Variants in SPTBN5 observed in about 807,000 individuals in gnomAD.
The protein encoded by SPTBN5 is spectrin beta chain, non-erythrocytic 5.
A neutral mutation model predicts 477.6 loss-of-function variants in SPTBN5; 513 were observed. That is an observed-to-expected ratio of 1.07 (90% CI 1.00 to 1.16). SPTBN5 has a LOEUF of 1.16. SPTBN5 is among the 50% of genes most tolerant of loss of function. The probability of loss-of-function intolerance (pLI) is 0.00; values close to 1 mark genes in which losing one functional copy is unlikely to be tolerated. For missense variants in SPTBN5, 5,062 were observed against 4,731.8 expected, an observed-to-expected ratio of 1.07 and a Z score of -2.05; for synonymous variants, 2,169 against 2,011.7, an observed-to-expected ratio of 1.08 and a Z score of -2.09.
intron 38 of SPTBN5, 28 bp downstream of exon 38, chr15:41,866,010 C>G (rs1243266049): frequency 6.5e-6 from 10 of 1,549,234 alleles, no homozygotes; most frequent in Non-Finnish European, 7.0e-6. Flanking sequence ...CCCCCCATCT[C>G]TCAGCCCCCA....
chr15:41,884,621 G>A (rs1423501738), intron 7 of SPTBN5, among the ~76,000 whole-genome samples: 1 of 152,124 alleles, frequency 6.6e-6, no homozygotes. Flanking sequence ...ACATCCAGGT[G>A]AGCATCGCAA....
rs777376157 is a variant in SPTBN5 at position 41,866,159 on chromosome 15, C to T, written c.6701G>A (p.Arg2234Gln). 1.9e-5 allele frequency: 30 copies of T among 1,565,234 alleles called. No individual in the cohort carries two copies. The Middle Eastern group carries it at 5.0e-4, about 26-fold the overall frequency. Reference protein sequence around the residue: ...GEVSQRLQGLRKHWEDLRQAM... With the variant: ...GEVSQRLQGLQKHWEDLRQAM... ...CTGCCTCAGGTCCTCCCAGTGCTTC[C>T]GCAGGCCCTGCAGCCGCTGGGAGAC... Residue 2234 changes from arginine (R) to glutamine (Q), a missense_variant, in exon 38 of 68, where the codon CGG becomes CAG. Coordinates refer to ENST00000320955, the MANE Select transcript of SPTBN5 (RefSeq NM_016642.4).
chr15:41,861,483 G>A lies in SPTBN5; in HGVS notation c.7751C>T (p.Ser2584Leu), dbSNP rs1470681585. 1.9e-6 allele frequency: 3 copies of A among 1,613,398 alleles called. No homozygotes were observed. The highest frequency in any genetic ancestry group is 2.5e-6 in the Non-Finnish European group (3 of 1,179,884). The change falls in exon 46 of 68, where the codon TCA (serine) becomes TTA (leucine). Residue 2584 changes from serine (S) to leucine (L), a missense_variant. Physicochemically the swap from Ser to Leu is moderately radical, Grantham distance 145. Transcript: ENST00000320955. The part of the protein sequence containing the change: ...QALELQLFLS[S>L]VEKMERWLCS... ...AAGCCAACGTTCCATCTTCTCCACT[G>A]AGCTCAGAAACAGCTGAGAACAAAG... is the stretch of plus-strand genomic sequence containing the variant.
chr15:41,853,530 A>G, intron 58 of SPTBN5, 52 bp downstream of exon 58: 1 of 1,539,148 alleles, frequency 6.5e-7, no homozygotes, highest in Non-Finnish European at 8.8e-7. Context: ...GAGCCAGGAT[A>G]CCCCCACCCC....
At chr15:41,872,855 A>G (rs2066593996) in intron 26 of SPTBN5, among the ~76,000 whole-genome samples, 1 of 152,188 alleles carries the variant, frequency 6.6e-6, no homozygotes, top group Non-Finnish European at 1.5e-5. Context: ...CCAAGGCTAC[A>G]GGCCTTTAGA....
In SPTBN5 at chr15:41,883,334, G is replaced by A. The variant is rs2067039853; in HGVS notation, c.1659+14C>T. The A allele has an allele frequency of 5.0e-6, 8 of 1,612,068 alleles. No individual in the cohort carries two copies. The highest frequency in any genetic ancestry group is 6.8e-6 in the Non-Finnish European group (8 of 1,179,416). ...TTGCTGTGTTTCCCAAGGGCCTGCT[G>A]GTCCAGTGCCCACCTGCAGCTCCTC... On this transcript the variant is annotated intron_variant, in intron 8 of 67. Transcript: ENST00000320955.
intron 46 of SPTBN5, 33 bp downstream of exon 46, chr15:41,861,386 C>G: frequency 1.3e-6 from 2 of 1,575,696 alleles, no homozygotes; most frequent in Non-Finnish European, 1.7e-6. Flanking sequence ...TCTGGTAATT[C>G]CCCCCTCCTG....
intron 29 of SPTBN5, 91 bp downstream of exon 29, chr15:41,871,284 A>G (rs2066524562): frequency 7.7e-7 from 1 of 1,304,112 alleles, no homozygotes; most frequent in African/African-American, 1.5e-5. Flanking sequence ...TGTGGCCCTC[A>G]CAGCATGCCA....
chr15:41,880,962 C>T (rs2066929974), intron 13 of SPTBN5, 72 bp downstream of exon 13: 1 of 1,352,922 alleles, frequency 7.4e-7, no homozygotes, highest in Non-Finnish European at 1.0e-6. Flanking sequence ...CTGCCTTGTC[C>T]CCTGGGATCA....
chr15:41,866,641 G>C (rs1004964377), intron 36 of SPTBN5, 148 bp from the exon 37 acceptor site: 13 of 1,015,600 alleles, frequency 1.3e-5, no homozygotes, highest in Non-Finnish European at 1.8e-5. Flanking sequence ...TTCCAGCTCC[G>C]GAAGGTTGCT....
At position 41,882,164 on chromosome 15, in the gene SPTBN5, G is replaced by A. The variant is rs534351799; in HGVS notation, c.2248-19C>T. ...CGAAGTACTGTGGGAGGGGGTCGGGGGTGGTGTGGGTGAAGGGGCGCGGCT... is the reference window on the plus strand; with the variant it reads ...CGAAGTACTGTGGGAGGGGGTCGGGAGTGGTGTGGGTGAAGGGGCGCGGCT... On this transcript the variant is annotated intron_variant, in intron 11 of 67. Coordinates refer to ENST00000320955, the MANE Select transcript of SPTBN5 (RefSeq NM_016642.4). 2.2e-4 allele frequency: 349 copies of A among 1,551,268 alleles called. 3 individuals carry two copies. In the Middle Eastern group the frequency reaches 3.5e-3, roughly 15 times the overall value.
chr15:41,853,981 G>C (rs143114783), intron 57 of SPTBN5, 69 bp downstream of exon 57: 1 of 1,499,750 alleles, frequency 6.7e-7, no homozygotes, highest in African/African-American at 1.4e-5. Flanking sequence ...GGAGGGCTGA[G>C]ATAGGTCCCC....
chr15:41,866,608 A>ACC, intron 36 of SPTBN5, 115 bp from the exon 37 acceptor site: 1 of 1,235,274 alleles, frequency 8.1e-7, no homozygotes, highest in Non-Finnish European at 1.1e-6. Context: ...GGCGGGCAGC[A>ACC]CCTGGTAAAT....
chr15:41,860,759 C>T lies in SPTBN5; in HGVS notation c.7816-1G>A. The stretch of plus-strand genomic sequence containing the variant: ...GGGGCTCCATGGGGGCCAAGGGGTC[C>T]TGGTGGGAGTGGGGAACCCAATACT... On this transcript the variant is annotated splice_acceptor_variant, in intron 46 of 67. Transcript: ENST00000320955. LOFTEE classifies it high-confidence loss of function. The T allele has an allele frequency of 6.3e-7, 1 of 1,576,778 alleles. No homozygotes were observed. Among genetic ancestry groups the T allele is most frequent in the Admixed American group, 1.8e-5 (1 of 55,036 alleles).
At position 41,876,193 on chromosome 15, in the gene SPTBN5, A is replaced by C; in HGVS notation, c.4043T>G (p.Ile1348Ser). 1 of 1,606,326 alleles carries C rather than the reference A, an allele frequency of 6.2e-7. No homozygotes were observed. Among genetic ancestry groups the C allele is most frequent in the Non-Finnish European group, 8.5e-7 (1 of 1,179,660 alleles). Residue 1348 changes from isoleucine (I) to serine (S), a missense_variant, in exon 21 of 68, where the codon ATC (isoleucine) becomes AGC (serine). Ile to Ser is a moderately radical substitution (Grantham distance 142, BLOSUM62 -2). Transcript: ENST00000320955. ...AHEPSGARRN[I>S]LQTLKRHEAA... ...TTCGTGCCGCTTGAGTGTCTGCAGG[A>C]TGTTTCTGCGCGCTCCGGAGGGCTC...
rs917300881 is a variant in SPTBN5, at chr15:41,881,329, G to A, written c.2458-95C>T. On this transcript the variant is annotated intron_variant, in intron 12 of 67. Coordinates refer to ENST00000320955, the MANE Select transcript of SPTBN5 (RefSeq NM_016642.4). ...CTACCTCCGTGCCCTGAGACCTGGAGGCGCTGAGCTGTAGCTCAAAGGGTG... is the reference window on the plus strand; with the variant it reads ...CTACCTCCGTGCCCTGAGACCTGGAAGCGCTGAGCTGTAGCTCAAAGGGTG... 16 of 1,016,466 alleles carry A rather than the reference G, an allele frequency of 1.6e-5. 1 individual carries two copies. The South Asian group carries it at 2.6e-4, about 17-fold the overall frequency. The allele number at this position is 1,016,466 out of a possible 1,614,324, so 63.0% of individuals were successfully genotyped here.
chr15:41,851,118 C>T lies in SPTBN5; in HGVS notation c.10776G>A (p.Thr3592=), dbSNP rs372260288. The change falls in exon 65 of 68, where the codon ACG becomes ACA. Residue 3592 remains threonine (T), a synonymous_variant. Transcript: ENST00000320955. ...KVASIALLDL[T]GARCERLRGR... is the part of the protein sequence containing the mutation. Reference sequence around the variant, plus strand: ...CCCGCAGCCTCTCACACCGGGCTCCCGTGAGGTCAAGGAGGGCTATGGAAG... The same window carrying T: ...CCCGCAGCCTCTCACACCGGGCTCCTGTGAGGTCAAGGAGGGCTATGGAAG... 1.3e-5 allele frequency: 21 copies of T among 1,613,118 alleles called. No homozygotes were observed. Among genetic ancestry groups the T allele is most frequent in the African/African-American group, 6.7e-5 (5 of 74,938 alleles).
Position 41,848,175 on chromosome 15 carries a change from C to T in SPTBN5, c.*441G>A, listed in dbSNP as rs2065618849. Reference sequence around the variant, plus strand: ...GCGCTGAGACCATCTGTTATTACTGCTGAGAAGGGCCATGTCATTCTAGGC... The same window carrying T: ...GCGCTGAGACCATCTGTTATTACTGTTGAGAAGGGCCATGTCATTCTAGGC... On this transcript the variant is annotated 3_prime_UTR_variant, in exon 68 of 68. Coordinates refer to ENST00000320955, the MANE Select transcript of SPTBN5 (RefSeq NM_016642.4). 1.9e-6 allele frequency: 1 copy of T among 524,564 alleles called. No homozygotes were observed. The highest frequency in any genetic ancestry group is 3.4e-6 in the Non-Finnish European group (1 of 291,170). 32.5% of individuals were successfully genotyped at this position (524,564 alleles called of 1,614,324 possible).
chr15:41,883,963 G>GTATATT (rs1489702213), intron 7 of SPTBN5, among the ~76,000 whole-genome samples: 1 of 151,352 alleles, frequency 6.6e-6, no homozygotes, highest in Non-Finnish European at 1.5e-5. Flanking sequence ...GCTAATTTTT[G>GTATATT]TATTTTTATT....
Sources: gnomAD v4.1 joint callset for allele counts (sites outside exome capture counted in the v4.1 genomes callset) on GRCh38, gnomAD v4.1.1 for gene constraint, MANE v1.5 for transcripts, NCBI Gene and HGNC (gene_info 2026-07-23, HGNC 2026-07-21) for gene names.